Variants in NUDT3 observed in about 807,000 individuals in gnomAD.
NUDT3 encodes the protein diphosphoinositol polyphosphate phosphohydrolase 1.
NUDT3 carries 9 observed loss-of-function variants against 23.6 expected under a neutral mutation model. The ratio of observed to expected loss-of-function variants is 0.38; its 90% CI spans 0.23 to 0.66. The LOEUF (loss-of-function observed/expected upper bound fraction) is 0.66, where lower values mean the gene tolerates loss of function less well. Ranked by LOEUF, NUDT3 falls within the 30% of genes least tolerant of loss-of-function variation. NUDT3 has a pLI of 0.52. For synonymous variants in NUDT3, 86 were observed against 82.6 expected (o/e 1.04, Z -0.22); for missense variants, 172 against 218.5 (o/e 0.79, Z 1.34).
Position 34,389,963 on chromosome 6 carries a change from CAA to C in NUDT3, c.99+2299_99+2300del, listed in dbSNP as rs112723844. Among the ~76,000 whole-genome samples the C allele has an allele frequency of 3.2e-4, 41 of 128,194 alleles. 1 individual carries two copies. Among genetic ancestry groups the C allele is most frequent in the Admixed American group, 7.0e-4 (9 of 12,812 alleles). The allele number at this position is 128,194 out of a possible 152,430, so 84.1% of individuals were successfully genotyped here. A position where few individuals can be genotyped will look rare whatever the true frequency, so the allele number is the denominator to read the frequency against. Reference sequence around the variant, plus strand: ...TGGGCGACAGAGCAAGACTCTGTCTCAAAAAAAAAAAAAAATACAGAAAACTA... The same window carrying C: ...TGGGCGACAGAGCAAGACTCTGTCTCAAAAAAAAAAAAATACAGAAAACTA... On this transcript the variant is annotated intron_variant, in intron 1 of 4. Transcript: ENST00000607016.
chr6:34,329,959 T>A (rs1443455168), intron 2 of NUDT3, among the ~76,000 whole-genome samples: 1 of 152,196 alleles, frequency 6.6e-6, no homozygotes, highest in Non-Finnish European at 1.5e-5. Flanking sequence ...TTCATCCATG[T>A]CCCTACAAAG....
chr6:34,297,759 A>ATATATATATATATATAT (rs60517827), intron 2 of NUDT3, among the ~76,000 whole-genome samples: 31 of 71,066 alleles, frequency 4.4e-4, no homozygotes, highest in African/African-American at 1.3e-3. Flanking sequence ...ATATATATAT[A>ATATATATATATATATAT]ATTTTTTTTT....
intron 2 of NUDT3, among the ~76,000 whole-genome samples, chr6:34,339,966 C>G (rs1030049606): frequency 2.0e-5 from 3 of 152,126 alleles, no homozygotes; most frequent in Non-Finnish European, 1.5e-5. Context: ...AACATGGAAC[C>G]GACATTCCCT....
chr6:34,333,489 G>A lies in NUDT3; in HGVS notation c.210+8373C>T, dbSNP rs181402100. On this transcript the variant is annotated intron_variant, in intron 2 of 4. Coordinates refer to ENST00000607016, the MANE Select transcript of NUDT3 (RefSeq NM_006703.4). ...AGATAACCACTGCAAACATTTTGGT[G>A]GACATCTTTCAAGGAGCCATAGCAT... Among the ~76,000 whole-genome samples, 262 of 152,270 alleles carry A rather than the reference G, an allele frequency of 1.7e-3. 2 individuals carry two copies. The highest frequency in any genetic ancestry group is 6.1e-3 in the African/African-American group (252 of 41,546).
At chr6:34,289,720 T>C (rs11756411) in intron 4 of NUDT3, among the ~76,000 whole-genome samples, 5 of 152,190 alleles carry the variant, frequency 3.3e-5, no homozygotes, top group Non-Finnish European at 7.4e-5. Flanking sequence ...CTCAATACAA[T>C]CACACTTTTA....
chr6:34,375,877 C>G (rs527707314), intron 1 of NUDT3, among the ~76,000 whole-genome samples: 9 of 152,294 alleles, frequency 5.9e-5, no homozygotes, highest in Admixed American at 4.6e-4. Context: ...GATCTATCAC[C>G]TATCACATCT....
rs545431024 is a variant in NUDT3 at position 34,376,578 on chromosome 6, CCTTTAT to C, written c.99+15680_99+15685del. ...AGGCGTGAGCCACCATGCATGGTCT[CCTTTAT>C]CTTTAACATATCATCTGTTACCAAA... On this transcript the variant is annotated intron_variant, in intron 1 of 4. Transcript: ENST00000607016. 3.3e-5 allele frequency among the ~76,000 whole-genome samples: 5 copies of C among 152,202 alleles called. No homozygotes were observed. In the South Asian group the frequency reaches 1.0e-3, roughly 32 times the overall value.
At chr6:34,375,137 G>A (rs895601942) in intron 1 of NUDT3, among the ~76,000 whole-genome samples, 4 of 152,132 alleles carry the variant, frequency 2.6e-5, no homozygotes, top group African/African-American at 9.7e-5. Context: ...GAGGTCAGGA[G>A]TTCGAGACCA....
chr6:34,353,144 T>C (rs1764503392), intron 1 of NUDT3, among the ~76,000 whole-genome samples: 1 of 152,208 alleles, frequency 6.6e-6, no homozygotes, highest in African/African-American at 2.4e-5. Context: ...AATACATATT[T>C]ATTCTTTTCT....
intron 1 of NUDT3, among the ~76,000 whole-genome samples, chr6:34,346,865 C>T (rs995629619): frequency 6.6e-6 from 1 of 152,184 alleles, no homozygotes; most frequent in Non-Finnish European, 1.5e-5. Context: ...TAGAGATCCT[C>T]CAGCTTCAGC....
rs60517827 is a variant in NUDT3, at chr6:34,297,759, A to ATT, written c.211-2075_211-2074insAA. Among the ~76,000 whole-genome samples the ATT allele has an allele frequency of 3.2e-4, 23 of 71,104 alleles. 1 individual carries two copies. Among genetic ancestry groups the ATT allele is most frequent in the African/African-American group, 1.4e-3 (21 of 15,146 alleles). 46.6% of individuals were successfully genotyped at this position (71,104 alleles called of 152,430 possible). The stretch of plus-strand genomic sequence containing the variant: ...TATATATATATATATATATATATAT[A>ATT]ATTTTTTTTTTTTTTTTAGTAGAGA... On this transcript the variant is annotated intron_variant, in intron 2 of 4. Transcript: ENST00000607016.
chr6:34,298,359 CA>C (rs1016859249), intron 2 of NUDT3, among the ~76,000 whole-genome samples: 2 of 151,884 alleles, frequency 1.3e-5, no homozygotes, highest in African/African-American at 4.8e-5. Flanking sequence ...CATCTTGTCT[CA>C]AAAAAACAAA....
chr6:34,314,325 G>A (rs552747191), intron 2 of NUDT3, among the ~76,000 whole-genome samples: 2 of 151,682 alleles, frequency 1.3e-5, no homozygotes, highest in African/African-American at 2.4e-5. Flanking sequence ...GGCCGAGGTG[G>A]GTGGACGACC....
rs565719702 is a variant in NUDT3, at chr6:34,367,201, GC to G, written c.99+25062del. ...GCCTGACCTAAAAACATTTTAATTGGCCGGGCGCAGTGGCTCACGCCTGTAA... is the reference window on the plus strand; with the variant it reads ...GCCTGACCTAAAAACATTTTAATTGGCGGGCGCAGTGGCTCACGCCTGTAA... On this transcript the variant is annotated intron_variant, in intron 1 of 4. Transcript: ENST00000607016. 4.1e-4 allele frequency among the ~76,000 whole-genome samples: 62 copies of G among 150,456 alleles called. No homozygotes were observed. The East Asian group carries it at 9.5e-3, about 23-fold the overall frequency.
chr6:34,366,473 A>AGGG (rs1764733714), intron 1 of NUDT3, among the ~76,000 whole-genome samples: 1 of 29,780 alleles, frequency 3.4e-5, no homozygotes. Context: ...AGAGAGAGGG[A>AGGG]AGGGAGGGAG....
At chr6:34,330,855 A>G (rs576207333) in intron 2 of NUDT3, among the ~76,000 whole-genome samples, 8 of 152,290 alleles carry the variant, frequency 5.3e-5, no homozygotes, top group African/African-American at 1.4e-4. Flanking sequence ...AGAGGAGTTA[A>G]AATAACTTCT....
In NUDT3 at chr6:34,288,713, C is replaced by G; in HGVS notation, c.*40G>C. ...TGAGAGGGAAGATTTGCACTTCAGT[C>G]TAGTTTCCAATTTCCATTTCTCTTA... On this transcript the variant is annotated 3_prime_UTR_variant, in exon 5 of 5. Coordinates refer to ENST00000607016, the MANE Select transcript of NUDT3 (RefSeq NM_006703.4). 15 of 1,584,750 alleles carry G rather than the reference C, an allele frequency of 9.5e-6. No homozygotes were observed. The highest frequency in any genetic ancestry group is 1.3e-5 in the Non-Finnish European group (15 of 1,167,260).
At position 34,392,476 on chromosome 6, in the gene NUDT3, G is replaced by A. The variant is rs1765224229; in HGVS notation, c.-114C>T. ...CGGCTCGGCCAAGGGAAGCAGGGAGGGGGAGCTTCTCCGCTACACGGCTCC... is the reference window on the plus strand; with the variant it reads ...CGGCTCGGCCAAGGGAAGCAGGGAGAGGGAGCTTCTCCGCTACACGGCTCC... On this transcript the variant is annotated 5_prime_UTR_variant, in exon 1 of 5. Transcript: ENST00000607016. 2 of 667,218 alleles carry A rather than the reference G, an allele frequency of 3.0e-6. No individual in the cohort carries two copies. Among genetic ancestry groups the A allele is most frequent in the Admixed American group, 2.8e-5 (1 of 35,750 alleles). 41.3% of individuals were successfully genotyped at this position (667,218 alleles called of 1,614,324 possible). A position where few individuals can be genotyped will look rare whatever the true frequency, so the allele number is the denominator to read the frequency against.
rs769331410 is a variant in NUDT3 at position 34,392,403 on chromosome 6, T to G, written c.-41A>C. 3.3e-6 allele frequency: 5 copies of G among 1,519,828 alleles called. No individual in the cohort carries two copies. Among genetic ancestry groups the G allele is most frequent in the South Asian group, 1.2e-5 (1 of 86,162 alleles). The allele number at this position is 1,519,828 out of a possible 1,614,324, so 94.1% of individuals were successfully genotyped here. A position where few individuals can be genotyped will look rare whatever the true frequency, so the allele number is the denominator to read the frequency against. On this transcript the variant is annotated 5_prime_UTR_variant, in exon 1 of 5. Coordinates refer to ENST00000607016, the MANE Select transcript of NUDT3 (RefSeq NM_006703.4). ...GGGGGTGCGGTGCGGGTCGCAGGAG[T>G]CGAGGGGTGGGGAGCCCGCTCTGGA... is the stretch of plus-strand genomic sequence containing the variant.
Sources: gnomAD v4.1 joint callset for allele counts (sites outside exome capture counted in the v4.1 genomes callset) on GRCh38, gnomAD v4.1.1 for gene constraint, MANE v1.5 for transcripts, NCBI Gene and HGNC (gene_info 2026-07-23, HGNC 2026-07-21) for gene names.